PALLD: variants seen among roughly 807,000 people sequenced by gnomAD.
PALLD encodes palladin, cytoskeletal associated protein, also known as palladin.
In PALLD, 61 loss-of-function variants were observed where a neutral mutation model predicts 123.5. The ratio of observed to expected loss-of-function variants is 0.49; its 90% CI spans 0.40 to 0.61. PALLD has a LOEUF of 0.61. PALLD is among the 20% of genes least tolerant of loss of function. The probability of loss-of-function intolerance (pLI) is 0.00; values close to 1 mark genes in which losing one functional copy is unlikely to be tolerated. For missense variants in PALLD, 1,273 were observed against 1,377.0 expected, an observed-to-expected ratio of 0.92 and a Z score of 1.20; for synonymous variants, 465 against 496.4, an observed-to-expected ratio of 0.94 and a Z score of 0.84.
chr4:168,780,362 C>T (rs1174742572), intron 10 of PALLD, among the ~76,000 whole-genome samples: 1 of 152,184 alleles, frequency 6.6e-6, no homozygotes, highest in Non-Finnish European at 1.5e-5. Context: ...AGATGCAGTC[C>T]CTGACTAATG....
At chr4:168,527,932 A>G (rs375614108) in intron 2 of PALLD, among the ~76,000 whole-genome samples, 1 of 152,104 alleles carries the variant, frequency 6.6e-6, no homozygotes, top group African/African-American at 2.4e-5. Context: ...CATCAACACA[A>G]TGCTTCCCTG....
intron 10 of PALLD, among the ~76,000 whole-genome samples, chr4:168,797,040 A>T (rs1034134394): frequency 6.6e-6 from 1 of 152,156 alleles, no homozygotes. Context: ...AAACTCACCA[A>T]ATTGAGTTGT....
chr4:168,706,189 A>C (rs1784213035), intron 8 of PALLD, among the ~76,000 whole-genome samples: 1 of 152,140 alleles, frequency 6.6e-6, no homozygotes, highest in South Asian at 2.1e-4. Context: ...CTTGGCAGCC[A>C]GCATTCGACC....
At chr4:168,617,335 GA>G (rs1396906329) in intron 2 of PALLD, among the ~76,000 whole-genome samples, 1 of 151,720 alleles carries the variant, frequency 6.6e-6, no homozygotes, top group East Asian at 1.9e-4. Flanking sequence ...TAGACTCCAA[GA>G]AAAAAAATGT....
intron 2 of PALLD, among the ~76,000 whole-genome samples, chr4:168,632,573 T>A (rs1374273510): frequency 1.3e-5 from 2 of 152,202 alleles, no homozygotes; most frequent in Non-Finnish European, 2.9e-5. Context: ...CTTTCCCGGT[T>A]CTCCTCTCCC....
Position 168,734,746 on chromosome 4 carries a change from T to G in PALLD, c.1964+22823T>G, listed in dbSNP as rs115380005. Among the ~76,000 whole-genome samples the G allele has an allele frequency of 7.1e-3, 1,076 of 152,174 alleles. 12 individuals carry two copies. The highest frequency in any genetic ancestry group is 0.025 in the African/African-American group (1,032 of 41,504). On this transcript the variant is annotated intron_variant, in intron 10 of 21. Transcript: ENST00000505667. ...AAATTAACACTATTCCTTTAAGCACTAAAACTGAAAAGGAGAGAAGGAGGA... is the reference window on the plus strand; with the variant it reads ...AAATTAACACTATTCCTTTAAGCACGAAAACTGAAAAGGAGAGAAGGAGGA...
At chr4:168,641,025 A>G (rs1403826395) in intron 2 of PALLD, among the ~76,000 whole-genome samples, 4 of 152,062 alleles carry the variant, frequency 2.6e-5, no homozygotes, top group Non-Finnish European at 5.9e-5. Flanking sequence ...TGGCTAACAC[A>G]GTGAAACCCC....
intron 10 of PALLD, among the ~76,000 whole-genome samples, chr4:168,718,765 C>A (rs936115674): frequency 6.6e-6 from 1 of 152,162 alleles, no homozygotes; most frequent in Non-Finnish European, 1.5e-5. Flanking sequence ...ACCACATATA[C>A]TGTTCTGCAC....
chr4:168,843,076 C>T (rs1306801925), intron 10 of PALLD, among the ~76,000 whole-genome samples: 1 of 152,196 alleles, frequency 6.6e-6, no homozygotes, highest in African/African-American at 2.4e-5. Flanking sequence ...AGCTGTTAAG[C>T]ATAATTACTG....
At position 168,869,573 on chromosome 4, in the gene PALLD, A is replaced by G. The variant is rs1055250453; in HGVS notation, c.1965-21349A>G. Among the ~76,000 whole-genome samples the G allele has an allele frequency of 2.6e-5, 4 of 152,218 alleles. No homozygotes were observed. Among genetic ancestry groups the G allele is most frequent in the African/African-American group, 4.8e-5 (2 of 41,458 alleles). On this transcript the variant is annotated intron_variant, in intron 10 of 21. Coordinates refer to ENST00000505667, the MANE Select transcript of PALLD (RefSeq NM_001166108.2). This position sits in a 1 kb window ranked among gnomAD's most constrained non-coding sequence, Gnocchi z 4.5. ...ACTCAAAATGGGTTTGGGGAACAAT[A>G]AGAGTAACAAACTTAGAAGAATGAA...
chr4:168,633,143 G>A (rs1346306207), intron 2 of PALLD, among the ~76,000 whole-genome samples: 1 of 152,196 alleles, frequency 6.6e-6, no homozygotes, highest in African/African-American at 2.4e-5. Flanking sequence ...ACTTCCAAGT[G>A]GAGCTCAATG....
chr4:168,537,175 A>C (rs1765184999), intron 2 of PALLD, among the ~76,000 whole-genome samples: 1 of 152,194 alleles, frequency 6.6e-6, no homozygotes, highest in Non-Finnish European at 1.5e-5. Flanking sequence ...CTACAGATAC[A>C]TTTCTAAAAG....
chr4:168,745,038 A>T (rs1730079191), intron 10 of PALLD, among the ~76,000 whole-genome samples: 1 of 152,204 alleles, frequency 6.6e-6, no homozygotes, highest in Non-Finnish European at 1.5e-5. Context: ...CATCAGCTGG[A>T]ATCCTGACTC....
At chr4:168,695,153 G>A (rs949818160) in intron 8 of PALLD, among the ~76,000 whole-genome samples, 1 of 152,218 alleles carries the variant, frequency 6.6e-6, no homozygotes, top group African/African-American at 2.4e-5. Context: ...CTGCTCACCA[G>A]TGTGACCCAT....
In PALLD at chr4:168,569,039, G is replaced by C. The variant is rs191830308; in HGVS notation, c.908+56627G>C. On this transcript the variant is annotated intron_variant, in intron 2 of 21. Transcript: ENST00000505667. ...TATCTCCTGGTCTGGTTTACTTTTT[G>C]CAACAGCTGTTAAAATTCGGACAGT... Among the ~76,000 whole-genome samples the C allele has an allele frequency of 9.2e-4, 140 of 152,150 alleles. 2 individuals are homozygous for C. In the East Asian group the frequency reaches 0.021, roughly 22 times the overall value.
Position 168,711,789 on chromosome 4 carries a change from G to A in PALLD, c.1830G>A (p.Thr610=), listed in dbSNP as rs1211066223. 2.5e-6 allele frequency: 4 copies of A among 1,614,114 alleles called. No homozygotes were observed. Among genetic ancestry groups the A allele is most frequent in the Admixed American group, 1.7e-5 (1 of 60,014 alleles). The change falls in exon 10 of 22, where the codon ACG becomes ACA. Residue 610 remains threonine, a synonymous_variant. Transcript: ENST00000505667. ...AATTCAATGCTGCTGAGAGGGAAAC[G>A]AACGGAGTCCATCCCAGCCGTGGAG... is the stretch of plus-strand genomic sequence containing the variant. ...QMQFNAAERE[T]NGVHPSRGVN...
At position 168,903,750 on chromosome 4, in the gene PALLD, T is replaced by C; in HGVS notation, c.2473-7T>C. 6.2e-7 allele frequency: 1 copy of C among 1,606,576 alleles called. No homozygotes were observed. The highest frequency in any genetic ancestry group is 8.5e-7 in the Non-Finnish European group (1 of 1,173,254). On this transcript the variant is annotated splice_polypyrimidine_tract_variant and splice_region_variant and intron_variant, in intron 14 of 21. Coordinates refer to ENST00000505667, the MANE Select transcript of PALLD (RefSeq NM_001166108.2). ...TCCTAATCTTTAATCTTTGTTTCTATTCACAGATCTATTGGTTTAAAGATG... is the reference window on the plus strand; with the variant it reads ...TCCTAATCTTTAATCTTTGTTTCTACTCACAGATCTATTGGTTTAAAGATG...
chr4:168,602,224 G>A (rs566583237), intron 2 of PALLD, among the ~76,000 whole-genome samples: 3 of 152,262 alleles, frequency 2.0e-5, no homozygotes, highest in Non-Finnish European at 1.5e-5. Flanking sequence ...TTATGTACTC[G>A]CCAGGCAGGC....
chr4:168,792,996 A>G (rs1048695965), intron 10 of PALLD, among the ~76,000 whole-genome samples: 11 of 151,240 alleles, frequency 7.3e-5, no homozygotes, highest in Non-Finnish European at 1.6e-4. Flanking sequence ...CAAACTCCTG[A>G]CCTCAAATGA....
Sources: allele counts gnomAD v4.1 joint callset (sites outside exome capture counted in the v4.1 genomes callset), GRCh38; gene constraint gnomAD v4.1.1; non-coding constraint Gnocchi (gnomAD v3.1); transcripts MANE v1.5; gene names NCBI Gene and HGNC (gene_info 2026-07-23, HGNC 2026-07-21).